Variants in USP8 observed in about 807,000 individuals in gnomAD.
The protein encoded by USP8 is ubiquitin specific peptidase 8.
Under a neutral mutation model 130.0 loss-of-function variants are expected in USP8, and 27 were observed. The ratio of observed to expected loss-of-function variants is 0.21; its 90% CI spans 0.15 to 0.29. The LOEUF is 0.29. Ranked by LOEUF, USP8 falls within the 10% of genes least tolerant of loss-of-function variation. USP8 has a pLI of 1.00. For missense variants in USP8, 1,029 were observed against 1,312.2 expected (o/e 0.78, Z 3.33); for synonymous variants, 392 against 444.1 (o/e 0.88, Z 1.48).
chr15:50,446,838 T>C (rs2050458858), intron 3 of USP8, among the ~76,000 whole-genome samples: 1 of 152,170 alleles, frequency 6.6e-6, no homozygotes, highest in African/African-American at 2.4e-5. Context: ...CTATCATGGC[T>C]CCCTAAAGCC....
chr15:50,470,175 A>G (rs1166193613), intron 7 of USP8, among the ~76,000 whole-genome samples: 1 of 152,166 alleles, frequency 6.6e-6, no homozygotes, highest in African/African-American at 2.4e-5. Flanking sequence ...GGGCTGGGTT[A>G]CTGTGTTCTA....
chr15:50,439,731 G>A (rs540557017), intron 2 of USP8, among the ~76,000 whole-genome samples: 63 of 151,204 alleles, frequency 4.2e-4, no homozygotes, highest in African/African-American at 6.3e-4. Context: ...CGGAGGTTTC[G>A]GTGAGCCGAG....
At chr15:50,465,008 C>T in intron 6 of USP8, 39 bp from the exon 7 acceptor site, 1 of 1,605,946 alleles carries the variant, frequency 6.2e-7, no homozygotes, top group Non-Finnish European at 8.5e-7. Flanking sequence ...ACATCTTGTG[C>T]TGTTTCTTGT....
intron 2 of USP8, among the ~76,000 whole-genome samples, chr15:50,439,693 G>A (rs1029612248): frequency 7.3e-5 from 11 of 151,668 alleles, no homozygotes; most frequent in African/African-American, 2.4e-4. Flanking sequence ...GGGAGGCTGA[G>A]GCAAGAGAAT....
rs376344324 is a variant in USP8, at chr15:50,429,003, C to T, written c.-66+4489C>T. ...GCAGGTAGCATCTACAGTGTGGATA[C>T]ACTGGACAAAGGGATGATTCATGTC... On this transcript the variant is annotated intron_variant, in intron 1 of 19. Coordinates refer to ENST00000307179, the MANE Select transcript of USP8 (RefSeq NM_005154.5). 1.4e-4 allele frequency among the ~76,000 whole-genome samples: 21 copies of T among 152,314 alleles called. No homozygotes were observed. In the East Asian group the frequency reaches 1.5e-3, roughly 11 times the overall value.
chr15:50,483,527 G>C (rs1053752923), intron 11 of USP8, among the ~76,000 whole-genome samples: 32 of 152,174 alleles, frequency 2.1e-4, no homozygotes, highest in African/African-American at 7.0e-4. Context: ...GGGCGCGTTG[G>C]CCCACGCCTA....
chr15:50,455,942 A>G (rs554196513), intron 4 of USP8, among the ~76,000 whole-genome samples: 1 of 152,222 alleles, frequency 6.6e-6, no homozygotes, highest in Non-Finnish European at 1.5e-5. Flanking sequence ...GGCCTGCCTT[A>G]GGTGTGAAAC....
intron 1 of USP8, among the ~76,000 whole-genome samples, chr15:50,429,590 C>G (rs1595893135): frequency 6.6e-6 from 1 of 152,162 alleles, no homozygotes; most frequent in East Asian, 1.9e-4. Flanking sequence ...AATCCCAGCA[C>G]TTTGGGAGAC....
At chr15:50,465,581 G>A (rs1181323823) in intron 7 of USP8, among the ~76,000 whole-genome samples, 1 of 152,144 alleles carries the variant, frequency 6.6e-6, no homozygotes, top group Non-Finnish European at 1.5e-5. Context: ...TATCAAAAGA[G>A]AAATGAAGTT....
At chr15:50,467,866 T>C (rs1447389798) in intron 7 of USP8, among the ~76,000 whole-genome samples, 1 of 152,102 alleles carries the variant, frequency 6.6e-6, no homozygotes, top group Non-Finnish European at 1.5e-5. Context: ...CTATCTGTTC[T>C]TAAAATTTTA....
rs939651319 is a variant in USP8 at position 50,434,569 on chromosome 15, A to AT, written c.-65-4430dup. The stretch of plus-strand genomic sequence containing the variant: ...TAATTTTTCTTACATATACTTAGTT[A>AT]TTTTTTTTTTCCACTTGCAATCCTT... On this transcript the variant is annotated intron_variant, in intron 1 of 19. Coordinates refer to ENST00000307179, the MANE Select transcript of USP8 (RefSeq NM_005154.5). 4.1e-4 allele frequency among the ~76,000 whole-genome samples: 61 copies of AT among 147,236 alleles called. No homozygotes were observed. In the East Asian group the frequency reaches 6.8e-3, roughly 17 times the overall value.
In USP8 at chr15:50,465,033, C is replaced by G. The variant is rs771338306; in HGVS notation, c.542-14C>G. ...CTGTTTCTTGTCACTTACACTGTCTCTCTCAATTCCAAGGAGCAATCACAG... is the reference window on the plus strand; with the variant it reads ...CTGTTTCTTGTCACTTACACTGTCTGTCTCAATTCCAAGGAGCAATCACAG... On this transcript the variant is annotated splice_polypyrimidine_tract_variant and intron_variant, in intron 6 of 19. Coordinates refer to ENST00000307179, the MANE Select transcript of USP8 (RefSeq NM_005154.5). The G allele has an allele frequency of 1.7e-5, 27 of 1,612,608 alleles. No individual in the cohort carries two copies.
chr15:50,484,272 C>T lies in USP8; in HGVS notation c.1804-3C>T. ...CACTTCTGTAATTTTAATAATTTTA[C>T]AGCCATTTAAGATTAAAGGACAACC... On this transcript the variant is annotated splice_region_variant and splice_polypyrimidine_tract_variant and intron_variant, in intron 11 of 19. Coordinates refer to ENST00000307179, the MANE Select transcript of USP8 (RefSeq NM_005154.5). 1 of 1,601,060 alleles carries T rather than the reference C, an allele frequency of 6.2e-7. No individual in the cohort carries two copies. The highest frequency in any genetic ancestry group is 8.5e-7 in the Non-Finnish European group (1 of 1,174,282).
At chr15:50,440,081 A>G (rs1166635175) in intron 2 of USP8, among the ~76,000 whole-genome samples, 1 of 152,124 alleles carries the variant, frequency 6.6e-6, no homozygotes, top group African/African-American at 2.4e-5. Flanking sequence ...CTCTGCCTCA[A>G]AATAAAATTA....
At chr15:50,454,053 G>C (rs1310888703) in intron 4 of USP8, among the ~76,000 whole-genome samples, 1 of 151,854 alleles carries the variant, frequency 6.6e-6, no homozygotes, top group African/African-American at 2.4e-5. Context: ...TGGTAGAGAT[G>C]GGGTTTTACC....
At chr15:50,437,401 A>G (rs907368594) in intron 1 of USP8, among the ~76,000 whole-genome samples, 2 of 152,058 alleles carry the variant, frequency 1.3e-5, no homozygotes, top group African/African-American at 4.8e-5. Context: ...TGTTCAATTC[A>G]ATTTGATTTT....
chr15:50,441,445 G>A lies in USP8; in HGVS notation c.201G>A (p.Val67=). ...CCTATGTACTATATATGAAATACGT[G>A]ACTGTTTATAATCTTATCAAAAAAA... ...ERAYVLYMKY[V]TVYNLIKKRP... is the part of the protein sequence containing the mutation. Residue 67 remains valine (V), a synonymous_variant, in exon 3 of 20, where the codon GTG becomes GTA. Coordinates refer to ENST00000307179, the MANE Select transcript of USP8 (RefSeq NM_005154.5). The A allele has an allele frequency of 6.3e-7, 1 of 1,598,828 alleles. No homozygotes were observed. The highest frequency in any genetic ancestry group is 8.5e-7 in the Non-Finnish European group (1 of 1,175,694).
At chr15:50,455,465 A>G (rs1172960146) in intron 4 of USP8, among the ~76,000 whole-genome samples, 3 of 144,058 alleles carry the variant, frequency 2.1e-5, no homozygotes, top group African/African-American at 5.0e-5. Context: ...TTACAAGCAC[A>G]TTTTCATTTA....
intron 12 of USP8, among the ~76,000 whole-genome samples, chr15:50,488,677 G>A (rs2052049617): frequency 6.9e-6 from 1 of 144,606 alleles, no homozygotes; most frequent in African/African-American, 2.6e-5. Context: ...CAATTCTCCT[G>A]CCACAGTCTC....
Sources: gnomAD v4.1 joint callset for allele counts (sites outside exome capture counted in the v4.1 genomes callset) on GRCh38, gnomAD v4.1.1 for gene constraint, MANE v1.5 for transcripts, NCBI Gene and HGNC (gene_info 2026-07-23, HGNC 2026-07-21) for gene names.